KCNH1: variants seen among roughly 807,000 people sequenced by gnomAD.
KCNH1 encodes voltage-gated delayed rectifier potassium channel KCNH1.
Under a neutral mutation model 69.2 loss-of-function variants are expected in KCNH1, and 27 were observed. That is an observed-to-expected ratio of 0.39 (90% CI 0.29 to 0.54). The LOEUF is 0.54. Ranked by LOEUF, KCNH1 falls within the 20% of genes least tolerant of loss-of-function variation. KCNH1 has a pLI of 0.68. For synonymous variants in KCNH1, 456 were observed against 487.7 expected, an observed-to-expected ratio of 0.93 and a Z score of 0.86; for missense variants, 798 against 1,261.6, an observed-to-expected ratio of 0.63 and a Z score of 5.57.
chr1:210,959,789 C>T (rs1197463086), intron 6 of KCNH1, among the ~76,000 whole-genome samples: 2 of 152,210 alleles, frequency 1.3e-5, no homozygotes, highest in Non-Finnish European at 2.9e-5. Flanking sequence ...CGGGAATGTA[C>T]CAATCTTCCA....
At position 210,986,504 on chromosome 1, in the gene KCNH1, G is replaced by A. The variant is rs1430053949; in HGVS notation, c.1032+32279C>T. On this transcript the variant is annotated intron_variant, in intron 6 of 10. Transcript: ENST00000271751. The stretch of plus-strand genomic sequence containing the variant: ...GTGGTGACAAAATCTCTCAGCATTT[G>A]CTTGTCTGTAAAGGATTTTATTTCT... Among the ~76,000 whole-genome samples the A allele has an allele frequency of 4.6e-5, 7 of 152,070 alleles. 1 individual carries two copies. Among genetic ancestry groups the A allele is most frequent in the African/African-American group, 1.7e-4 (7 of 41,392 alleles).
intron 10 of KCNH1, among the ~76,000 whole-genome samples, chr1:210,740,587 A>G (rs1276038436): frequency 6.6e-6 from 1 of 150,548 alleles, no homozygotes; most frequent in Admixed American, 6.6e-5. Context: ...CCATGATCTT[A>G]TTTCCCTCAC....
At chr1:211,102,065 C>G (rs1196435266) in intron 3 of KCNH1, among the ~76,000 whole-genome samples, 2 of 152,084 alleles carry the variant, frequency 1.3e-5, no homozygotes, top group African/African-American at 4.8e-5. Context: ...TCATGTCTAC[C>G]TAAAGTACAG....
intron 2 of KCNH1, among the ~76,000 whole-genome samples, chr1:211,104,638 T>TC (rs973446652): frequency 1.3e-5 from 2 of 152,022 alleles, no homozygotes; most frequent in Non-Finnish European, 2.9e-5. Flanking sequence ...GAAAAAAACA[T>TC]CTTTCAATGG....
At chr1:210,917,870 T>C in intron 7 of KCNH1, among the ~76,000 whole-genome samples, 1 of 152,228 alleles carries the variant, frequency 6.6e-6, no homozygotes, top group South Asian at 2.1e-4. Flanking sequence ...AATCCTTTTC[T>C]GTGACATGAG....
chr1:210,943,934 C>T (rs1687915775), intron 6 of KCNH1, among the ~76,000 whole-genome samples: 1 of 152,218 alleles, frequency 6.6e-6, no homozygotes, highest in Non-Finnish European at 1.5e-5. Context: ...CCCACATATA[C>T]TGGGCCCAGG....
intron 6 of KCNH1, among the ~76,000 whole-genome samples, chr1:210,994,743 T>C (rs12022739): frequency 0.24 from 36,153 of 152,114 alleles, 5,888 homozygotes; most frequent in African/African-American, 0.45. Context: ...TCTACCTAAC[T>C]TTTCAATGTT....
intron 6 of KCNH1, among the ~76,000 whole-genome samples, chr1:210,981,308 C>T (rs1688704042): frequency 7.5e-6 from 1 of 133,794 alleles, no homozygotes; most frequent in African/African-American, 2.7e-5. Context: ...ATGATTGCTT[C>T]AGCAACTACA....
intron 1 of KCNH1, among the ~76,000 whole-genome samples, chr1:211,110,597 TATC>T (rs1035487001): frequency 6.6e-5 from 10 of 152,182 alleles, no homozygotes; most frequent in African/African-American, 2.2e-4. Flanking sequence ...AATATTTAAT[TATC>T]ATAAGTATCT....
chr1:210,738,233 A>C (rs1682925664), intron 10 of KCNH1, among the ~76,000 whole-genome samples: 1 of 152,176 alleles, frequency 6.6e-6, no homozygotes, highest in South Asian at 2.1e-4. Context: ...AATGAATCTA[A>C]GCTTTTGCTC....
intron 1 of KCNH1, among the ~76,000 whole-genome samples, chr1:211,131,811 A>G (rs1306628694): frequency 1.3e-5 from 2 of 151,440 alleles, no homozygotes; most frequent in Non-Finnish European, 3.0e-5. Flanking sequence ...AATTCATCCA[A>G]CTCTCCCAAG....
At chr1:210,881,385 T>G (rs533975195) in intron 7 of KCNH1, among the ~76,000 whole-genome samples, 1 of 152,330 alleles carries the variant, frequency 6.6e-6, no homozygotes, top group East Asian at 1.9e-4. Context: ...GGTAAGATTC[T>G]GGAACTATGG....
chr1:210,758,835 C>T (rs943115418), intron 10 of KCNH1, among the ~76,000 whole-genome samples: 9 of 152,216 alleles, frequency 5.9e-5, no homozygotes, highest in African/African-American at 1.9e-4. Context: ...AAGGCAAACG[C>T]ACACTGGGAG....
chr1:210,740,364 A>G (rs1175262066), intron 10 of KCNH1, among the ~76,000 whole-genome samples: 5 of 152,070 alleles, frequency 3.3e-5, no homozygotes, highest in African/African-American at 4.8e-5. Context: ...ACAGACTTTT[A>G]CCTTCTAACA....
chr1:211,002,332 GTGTGTGTATATA>G (rs1689202508), intron 6 of KCNH1, among the ~76,000 whole-genome samples: 2 of 135,646 alleles, frequency 1.5e-5, no homozygotes, highest in African/African-American at 6.2e-5. Context: ...ATATATGTGT[GTGTGTGTATATA>G]TATATATATA....
chr1:210,697,427 G>A (rs758716554), intron 10 of KCNH1, among the ~76,000 whole-genome samples: 1 of 152,206 alleles, frequency 6.6e-6, no homozygotes, highest in Non-Finnish European at 1.5e-5. Flanking sequence ...TCCAGGCCTG[G>A]GGGTTGAGAG....
chr1:211,081,105 T>A (rs188622739), intron 5 of KCNH1, among the ~76,000 whole-genome samples: 78 of 151,946 alleles, frequency 5.1e-4, no homozygotes, highest in Non-Finnish European at 1.2e-4. Flanking sequence ...TACAAAGAAC[T>A]CAAACAAATT....
chr1:210,800,752 GAA>G (rs1444130763), intron 8 of KCNH1, among the ~76,000 whole-genome samples: 1 of 152,026 alleles, frequency 6.6e-6, no homozygotes, highest in African/African-American at 2.4e-5. Context: ...TAGGTTTTGA[GAA>G]GAGACCATCC....
At position 210,692,706 on chromosome 1, in the gene KCNH1, C is replaced by T. The variant is rs144361394; in HGVS notation, c.2113-8568G>A. On this transcript the variant is annotated intron_variant, in intron 10 of 10. Coordinates refer to ENST00000271751, the MANE Select transcript of KCNH1 (RefSeq NM_172362.3). ...ACACAGAGAAAGGCCATGGGGAAGA[C>T]GGAGGAGATACTGGAGTTACGTAGC... Among the ~76,000 whole-genome samples the T allele has an allele frequency of 1.8e-4, 28 of 152,198 alleles. No homozygotes were observed. In the East Asian group the frequency reaches 5.0e-3, roughly 27 times the overall value.
Sources: allele counts gnomAD v4.1 joint callset (sites outside exome capture counted in the v4.1 genomes callset), GRCh38; gene constraint gnomAD v4.1.1; transcripts MANE v1.5; gene names NCBI Gene and HGNC (gene_info 2026-07-23, HGNC 2026-07-21).